The following PARPBP variants were observed in gnomAD, a reference collection of about 807,000 sequenced individuals.
PARPBP encodes the protein PCNA-interacting partner.
In PARPBP, 52 loss-of-function variants were observed where a neutral mutation model predicts 50.0. The ratio of observed to expected loss-of-function variants is 1.04; its 90% CI spans 0.83 to 1.31. The LOEUF (loss-of-function observed/expected upper bound fraction) is 1.31, where lower values mean the gene tolerates loss of function less well. Ranked by LOEUF, PARPBP falls within the 50% of genes most tolerant of loss-of-function variation. PARPBP has a pLI of 0.00. For synonymous variants in PARPBP, 244 were observed against 232.1 expected (o/e 1.05, Z -0.47); for missense variants, 697 against 672.0 (o/e 1.04, Z -0.41).
chr12:102,143,075 C>T (rs1884864985), intron 2 of PARPBP, among the ~76,000 whole-genome samples: 1 of 152,204 alleles, frequency 6.6e-6, no homozygotes. Context: ...TTCAGCTATG[C>T]CCCGCCCTCA....
chr12:102,121,177 T>C (rs1881004136), intron 1 of PARPBP, among the ~76,000 whole-genome samples: 1 of 152,190 alleles, frequency 6.6e-6, no homozygotes, highest in South Asian at 2.1e-4. Flanking sequence ...CACAGCCAGC[T>C]AGCTACAGGA....
At chr12:102,124,457 T>C (rs1477599547) in intron 2 of PARPBP, among the ~76,000 whole-genome samples, 1 of 152,230 alleles carries the variant, frequency 6.6e-6, no homozygotes, top group African/African-American at 2.4e-5. Context: ...TTAAAAAATT[T>C]CCACAAAGTG....
At chr12:102,157,638 T>A (rs1337912091) in intron 4 of PARPBP, among the ~76,000 whole-genome samples, 1 of 152,222 alleles carries the variant, frequency 6.6e-6, no homozygotes, top group Admixed American at 6.5e-5. Flanking sequence ...GGAAACAAAC[T>A]CAGGTTATCC....
In PARPBP at chr12:102,184,914, G is replaced by A. The variant is rs1033567675; in HGVS notation, c.1263+2287G>A. Among the ~76,000 whole-genome samples the A allele has an allele frequency of 2.1e-5, 3 of 142,186 alleles. No homozygotes were observed. In the South Asian group the frequency reaches 6.8e-4, roughly 32 times the overall value. The allele number at this position is 142,186 out of a possible 152,430, so 93.3% of individuals were successfully genotyped here. A position where few individuals can be genotyped will look rare whatever the true frequency, so the allele number is the denominator to read the frequency against. On this transcript the variant is annotated intron_variant, in intron 9 of 10. Coordinates refer to ENST00000327680, the MANE Select transcript of PARPBP (RefSeq NM_017915.5). ...TACTTTTGCTCTTTTGGCATATAGTGGTTTTTAGTCACAGAAATAATATAT... is the reference window on the plus strand; with the variant it reads ...TACTTTTGCTCTTTTGGCATATAGTAGTTTTTAGTCACAGAAATAATATAT...
At chr12:102,185,734 C>G (rs1018713878) in intron 9 of PARPBP, among the ~76,000 whole-genome samples, 1 of 152,042 alleles carries the variant, frequency 6.6e-6, no homozygotes, top group Non-Finnish European at 1.5e-5. Flanking sequence ...TCTCGGCTCA[C>G]TGTAACCTTC....
intron 9 of PARPBP, among the ~76,000 whole-genome samples, chr12:102,191,196 G>T (rs1247068442): frequency 6.6e-6 from 1 of 152,058 alleles, no homozygotes; most frequent in African/African-American, 2.4e-5. Context: ...TTTATAGTCA[G>T]GTGTCAGACT....
intron 2 of PARPBP, among the ~76,000 whole-genome samples, chr12:102,140,349 T>C (rs1352274380): frequency 1.3e-5 from 2 of 152,326 alleles, no homozygotes; most frequent in East Asian, 1.9e-4. Context: ...TCGTTTTTTA[T>C]TGTGGCTATT....
intron 6 of PARPBP, among the ~76,000 whole-genome samples, chr12:102,166,418 T>C (rs528085099): frequency 6.6e-6 from 1 of 152,284 alleles, no homozygotes; most frequent in Non-Finnish European, 1.5e-5. Context: ...AAGTAAGTTT[T>C]AGGGGCAGAA....
chr12:102,128,978 C>A (rs112925017), intron 2 of PARPBP, among the ~76,000 whole-genome samples: 1 of 151,910 alleles, frequency 6.6e-6, no homozygotes, highest in African/African-American at 2.4e-5. Flanking sequence ...ACACTTTTAT[C>A]TTTTCAATAA....
intron 2 of PARPBP, among the ~76,000 whole-genome samples, chr12:102,140,070 C>T (rs889687597): frequency 5.9e-5 from 9 of 152,176 alleles, no homozygotes; most frequent in African/African-American, 2.2e-4. Context: ...ACCAGCTCCT[C>T]TTTGTACCTC....
chr12:102,136,108 G>A (rs1039115612), intron 2 of PARPBP, among the ~76,000 whole-genome samples: 3 of 151,930 alleles, frequency 2.0e-5, no homozygotes, highest in South Asian at 4.1e-4. Context: ...TGACCTTCCC[G>A]TTCATATTCT....
At chr12:102,190,251 A>T (rs1890673963) in intron 9 of PARPBP, among the ~76,000 whole-genome samples, 1 of 152,076 alleles carries the variant, frequency 6.6e-6, no homozygotes, top group African/African-American at 2.4e-5. Context: ...CTCTGCTTGC[A>T]TATACTTGTT....
chr12:102,170,390 G>C (rs1169231976), intron 6 of PARPBP, among the ~76,000 whole-genome samples: 1 of 152,188 alleles, frequency 6.6e-6, no homozygotes, highest in Non-Finnish European at 1.5e-5. Context: ...ACACACATAG[G>C]CTATATGGCA....
chr12:102,174,284 T>A (rs1889039358), intron 6 of PARPBP, among the ~76,000 whole-genome samples: 1 of 152,138 alleles, frequency 6.6e-6, no homozygotes, highest in African/African-American at 2.4e-5. Context: ...TTTAAACAAA[T>A]GCCGGATATG....
At chr12:102,185,982 T>G (rs766359018) in intron 9 of PARPBP, among the ~76,000 whole-genome samples, 2 of 152,150 alleles carry the variant, frequency 1.3e-5, no homozygotes, top group African/African-American at 2.4e-5. Context: ...ACAGCTTCAG[T>G]CTCATTACTT....
At position 102,196,005 on chromosome 12, in the gene PARPBP, T is replaced by C. The variant is rs747553155; in HGVS notation, c.1454T>C (p.Val485Ala). The change falls in exon 11 of 11, where the codon GTT becomes GCT. Residue 485 changes from valine (V) to alanine (A), a missense_variant. By Grantham distance (64) the Val-to-Ala change is moderately conservative (BLOSUM62 0). Transcript: ENST00000327680. ...RSTIGTSFGNVHLDRSKNEKV... is the reference protein window; with the variant it reads ...RSTIGTSFGNAHLDRSKNEKV... ...ACAATTGGAACGAGTTTTGGAAATG[T>C]TCATCTGGACAGAAGTAAAAATGAA... The C allele has an allele frequency of 6.2e-7, 1 of 1,608,910 alleles. No homozygotes were observed.
chr12:102,167,509 C>T (rs1888266977), intron 6 of PARPBP, among the ~76,000 whole-genome samples: 1 of 152,032 alleles, frequency 6.6e-6, no homozygotes, highest in Non-Finnish European at 1.5e-5. Context: ...CCCTATAGAG[C>T]TGATTAGTAG....
intron 6 of PARPBP, among the ~76,000 whole-genome samples, chr12:102,173,168 A>G (rs1277292075): frequency 6.6e-6 from 1 of 152,262 alleles, no homozygotes; most frequent in East Asian, 1.9e-4. Flanking sequence ...CTTTTAGCCC[A>G]GGAACTGGCC....
chr12:102,195,923 C>T (rs1891270240), intron 10 of PARPBP, 28 bp from the exon 11 acceptor site: 1 of 1,395,130 alleles, frequency 7.2e-7, no homozygotes, highest in Non-Finnish European at 9.8e-7. Context: ...TCATGTAATT[C>T]CTTTCCCCTT....
Sources: allele counts gnomAD v4.1 joint callset (sites outside exome capture counted in the v4.1 genomes callset), GRCh38; gene constraint gnomAD v4.1.1; transcripts MANE v1.5; gene names NCBI Gene and HGNC (gene_info 2026-07-23, HGNC 2026-07-21).